SLC41A3: variants seen among roughly 807,000 people sequenced by gnomAD.
The protein encoded by SLC41A3 is SLC41A1-like 2.
Under a neutral mutation model 45.4 loss-of-function variants are expected in SLC41A3, and 44 were observed. That is an observed-to-expected ratio of 0.97 (90% CI 0.76 to 1.25). The LOEUF is 1.25. SLC41A3 is among the 50% of genes most tolerant of loss of function. SLC41A3 has a pLI of 0.00. For synonymous variants in SLC41A3, 256 were observed against 252.4 expected, an observed-to-expected ratio of 1.01 and a Z score of -0.13; for missense variants, 550 against 600.6, an observed-to-expected ratio of 0.92 and a Z score of 0.88.
At chr3:126,012,885 C>T in intron 8 of SLC41A3, 136 bp from the exon 9 acceptor site, 1 of 1,338,374 alleles carries the variant, frequency 7.5e-7, no homozygotes, top group Non-Finnish European at 1.0e-6. Flanking sequence ...TTTCCTCCCA[C>T]TTGACCACAG....
intron 1 of SLC41A3, among the ~76,000 whole-genome samples, chr3:126,071,620 T>C (rs1040734023): frequency 3.9e-5 from 6 of 152,184 alleles, no homozygotes; most frequent in Non-Finnish European, 8.8e-5. Context: ...ACATGGAACA[T>C]TTTGCAGGCT....
intron 2 of SLC41A3, among the ~76,000 whole-genome samples, chr3:126,059,439 A>G (rs1943939430): frequency 6.6e-6 from 1 of 152,160 alleles, no homozygotes; most frequent in South Asian, 2.1e-4. Context: ...AGTCACTGCA[A>G]TTGGATGAAG....
chr3:126,049,926 AAGCC>A (rs1359619292), intron 3 of SLC41A3, among the ~76,000 whole-genome samples: 2 of 152,178 alleles, frequency 1.3e-5, no homozygotes, highest in Non-Finnish European at 2.9e-5. Flanking sequence ...TCTGTCGTCA[AAGCC>A]AGGAGCACAG....
At chr3:126,055,677 C>T (rs1268685514) in intron 2 of SLC41A3, among the ~76,000 whole-genome samples, 2 of 152,152 alleles carry the variant, frequency 1.3e-5, no homozygotes, top group South Asian at 2.1e-4. Flanking sequence ...ACTGACTCTA[C>T]GAAATGTTTC....
chr3:126,013,411 A>T (rs1939923186), intron 8 of SLC41A3, among the ~76,000 whole-genome samples: 1 of 151,998 alleles, frequency 6.6e-6, no homozygotes, highest in African/African-American at 2.4e-5. Flanking sequence ...AATACAAAAA[A>T]AATTAGCTGG....
chr3:126,018,728 C>T (rs1940553028), intron 6 of SLC41A3, among the ~76,000 whole-genome samples: 1 of 152,250 alleles, frequency 6.6e-6, no homozygotes, highest in Middle Eastern at 3.2e-3. Flanking sequence ...CCTGTGAGGA[C>T]ACATCAGTGT....
chr3:126,068,286 A>C (rs1333718777), intron 1 of SLC41A3, 40 bp from the exon 2 acceptor site: 2 of 1,455,854 alleles, frequency 1.4e-6, no homozygotes, highest in Non-Finnish European at 1.8e-6. Context: ...CAAGTTCCTG[A>C]TTCCCATGGC....
At chr3:126,040,032 A>G (rs1254518354) in intron 3 of SLC41A3, among the ~76,000 whole-genome samples, 1 of 152,230 alleles carries the variant, frequency 6.6e-6, no homozygotes, top group African/African-American at 2.4e-5. Flanking sequence ...CAAGGAAAAT[A>G]TAAGGTGTGT....
intron 9 of SLC41A3, among the ~76,000 whole-genome samples, chr3:126,010,811 T>G (rs1383115440): frequency 6.6e-6 from 1 of 152,220 alleles, no homozygotes; most frequent in Non-Finnish European, 1.5e-5. Flanking sequence ...GAACCTAGAT[T>G]GCACTGTGCC....
Position 126,026,393 on chromosome 3 carries a change from C to T in SLC41A3, c.540G>A (p.Lys180=). The change falls in exon 5 of 11, where the codon AAG becomes AAA. Residue 180 remains lysine (K), a synonymous_variant. Coordinates refer to ENST00000360370, the MANE Select transcript of SLC41A3 (RefSeq NM_017836.4). This position sits in a 1 kb window ranked among gnomAD's most constrained non-coding sequence, Gnocchi z 4.2. ...VVSREEVDVA[K]VELLCASSVL... ...CACTGCTGGCACACAGCAACTCCAC[C>T]TTGGCGACATCCACTTCCTCTCGAG... 5 of 1,586,942 alleles carry T rather than the reference C, an allele frequency of 3.2e-6. No individual in the cohort carries two copies. The highest frequency in any genetic ancestry group is 1.2e-5 in the South Asian group (1 of 86,890).
chr3:126,068,211 C>A lies in SLC41A3; in HGVS notation c.9G>T (p.Gly3=), dbSNP rs765689136. ...CCAGCCTCCGCTGCCGGGTCTCTGT[C>A]CCATCCATCTGGGCACAGCTGGGCG... is the stretch of plus-strand genomic sequence containing the variant. MD[G]TETRQRRLDS... Residue 3 remains glycine (G), a synonymous_variant, in exon 2 of 11, where the codon GGG becomes GGT. Coordinates refer to ENST00000360370, the MANE Select transcript of SLC41A3 (RefSeq NM_017836.4). 7.1e-6 allele frequency: 11 copies of A among 1,538,696 alleles called. No individual in the cohort carries two copies. Among genetic ancestry groups the A allele is most frequent in the Non-Finnish European group, 9.6e-6 (11 of 1,145,038 alleles).
chr3:126,014,140 G>T (rs1940019792), intron 8 of SLC41A3, among the ~76,000 whole-genome samples: 1 of 152,166 alleles, frequency 6.6e-6, no homozygotes, highest in Non-Finnish European at 1.5e-5. Flanking sequence ...GCTGGGCCAG[G>T]TGTGCACCAG....
chr3:126,067,525 G>A (rs1944411639), intron 2 of SLC41A3: 1 of 413,156 alleles, frequency 2.4e-6, no homozygotes, highest in South Asian at 1.8e-5. Context: ...GCAAGCCAAG[G>A]AGAGGCCACA....
Position 126,022,882 on chromosome 3 carries a change from G to A in SLC41A3, c.649C>T (p.Pro217Ser). Residue 217 changes from proline to serine, a missense_variant, in exon 6 of 11, where the codon CCA (proline) becomes TCA (serine). Coordinates refer to ENST00000360370, the MANE Select transcript of SLC41A3 (RefSeq NM_017836.4). ...GCAATGGGCGTGGCAATGTTGTCTGGGTTGACCCCGAGCTTTCGAGCACCA... is the reference window on the plus strand; with the variant it reads ...GCAATGGGCGTGGCAATGTTGTCTGAGTTGACCCCGAGCTTTCGAGCACCA... ...VIGARKLGVNPDNIATPIAAS... is the reference protein window; with the variant it reads ...VIGARKLGVNSDNIATPIAAS... 6.2e-7 allele frequency: 1 copy of A among 1,614,198 alleles called. No homozygotes were observed.
upstream of SLC41A3, among the ~76,000 whole-genome samples, chr3:126,088,837 T>C (rs1283605406): frequency 6.6e-6 from 1 of 152,202 alleles, no homozygotes; most frequent in African/African-American, 2.4e-5. Flanking sequence ...TTTTAAATGC[T>C]ACAGAAATTA....
At chr3:126,057,702 T>A (rs1282658949) in intron 2 of SLC41A3, among the ~76,000 whole-genome samples, 2 of 152,166 alleles carry the variant, frequency 1.3e-5, no homozygotes, top group Non-Finnish European at 2.9e-5. Flanking sequence ...AGGCTGTCCC[T>A]GCAACCGAAC....
In SLC41A3 at chr3:126,006,853, C is replaced by T. The variant is rs1216102207; in HGVS notation, c.*163G>A. 6 of 1,474,388 alleles carry T rather than the reference C, an allele frequency of 4.1e-6. No homozygotes were observed. Among genetic ancestry groups the T allele is most frequent in the African/African-American group, 2.8e-5 (2 of 70,862 alleles). 91.3% of individuals were successfully genotyped at this position (1,474,388 alleles called of 1,614,324 possible). ...CTCTATTGCAGGCTCAGGTATCAAC[C>T]CCAGAGCCGAGGTGTGTGAGAGCTA... is the stretch of plus-strand genomic sequence containing the variant. On this transcript the variant is annotated 3_prime_UTR_variant, in exon 11 of 11. Transcript: ENST00000360370.
At chr3:126,065,059 C>T (rs1356115120) in intron 2 of SLC41A3, among the ~76,000 whole-genome samples, 1 of 152,232 alleles carries the variant, frequency 6.6e-6, no homozygotes, top group Non-Finnish European at 1.5e-5. Context: ...CAGCCCCTGG[C>T]TGATAGCCAG....
At chr3:126,097,818 G>A (rs949118087) in intron 1 of SLC41A3, among the ~76,000 whole-genome samples, 2 of 152,194 alleles carry the variant, frequency 1.3e-5, no homozygotes, top group Admixed American at 6.5e-5. Flanking sequence ...ACCAAGCATT[G>A]CAGCCAAGCT....
Sources: gnomAD v4.1 joint callset for allele counts (sites outside exome capture counted in the v4.1 genomes callset) on GRCh38, gnomAD v4.1.1 for gene constraint, Gnocchi (gnomAD v3.1) non-coding constraint, MANE v1.5 for transcripts, NCBI Gene and HGNC (gene_info 2026-07-23, HGNC 2026-07-21) for gene names.